The following GDI2 variants were observed in gnomAD, a reference collection of about 807,000 sequenced individuals.
The protein encoded by GDI2 is GDP dissociation inhibitor 2, also known as rab GDP dissociation inhibitor beta.
A neutral mutation model predicts 54.2 loss-of-function variants in GDI2; 22 were observed. That is an observed-to-expected ratio of 0.41 (90% confidence interval 0.29 to 0.58). The LOEUF (loss-of-function observed/expected upper bound fraction) is 0.58, where lower values mean the gene tolerates loss of function less well. GDI2 is among the 20% of genes least tolerant of loss of function. GDI2 has a pLI of 0.35. For synonymous variants in GDI2, 177 were observed against 182.1 expected, an observed-to-expected ratio of 0.97 and a Z score of 0.23; for missense variants, 422 against 546.0, an observed-to-expected ratio of 0.77 and a Z score of 2.26.
intron 1 of GDI2, among the ~76,000 whole-genome samples, chr10:5,809,254 C>CAAAAAAAAAAAAACA (rs1039669236): frequency 7.0e-6 from 1 of 141,984 alleles, no homozygotes; most frequent in East Asian, 2.0e-4. Flanking sequence ...CAAAAAAAAA[C>CAAAAAAAAAAAAACA]AAAAAAAAAA....
intron 1 of GDI2, among the ~76,000 whole-genome samples, chr10:5,808,696 T>C (rs1455231244): frequency 8.2e-5 from 9 of 110,410 alleles, no homozygotes; most frequent in South Asian, 5.6e-4. Flanking sequence ...ATTGTTGTTA[T>C]TAAAAAAAAA....
chr10:5,788,605 G>GA (rs914655157), intron 4 of GDI2, among the ~76,000 whole-genome samples: 9 of 151,742 alleles, frequency 5.9e-5, no homozygotes, highest in Admixed American at 1.3e-4. Flanking sequence ...AAAAAATTGT[G>GA]AAAAAAAATC....
intron 7 of GDI2, among the ~76,000 whole-genome samples, chr10:5,770,482 A>C (rs1353513458): frequency 1.3e-5 from 2 of 152,172 alleles, no homozygotes; most frequent in Non-Finnish European, 2.9e-5. Flanking sequence ...GAATCACTTG[A>C]ATACGGGAGG....
chr10:5,800,840 G>T, intron 1 of GDI2, 135 bp from the exon 2 acceptor site: 3 of 622,282 alleles, frequency 4.8e-6, no homozygotes, highest in Non-Finnish European at 8.7e-6. Context: ...AATTTATGAA[G>T]AAAGCCCTTA....
intron 1 of GDI2, among the ~76,000 whole-genome samples, chr10:5,809,271 A>G (rs1482855641): frequency 6.6e-6 from 1 of 152,014 alleles, no homozygotes; most frequent in East Asian, 1.9e-4. Context: ...AAAAACTGTC[A>G]AAAGATACCT....
intron 6 of GDI2, among the ~76,000 whole-genome samples, chr10:5,778,123 C>A (rs1307088427): frequency 6.6e-6 from 1 of 151,998 alleles, no homozygotes; most frequent in Non-Finnish European, 1.5e-5. Flanking sequence ...CATCACACAC[C>A]GGGGCCTGTC....
intron 1 of GDI2, among the ~76,000 whole-genome samples, chr10:5,801,603 G>C (rs1361161926): frequency 6.6e-6 from 1 of 152,132 alleles, no homozygotes; most frequent in Non-Finnish European, 1.5e-5. Context: ...TTGAACCTGG[G>C]AGGCAGAGGT....
In GDI2 at chr10:5,785,900, T is replaced by C; in HGVS notation, c.539A>G (p.Asp180Gly). 1 of 1,612,268 alleles carries C rather than the reference T, an allele frequency of 6.2e-7. No individual in the cohort carries two copies. The highest frequency in any genetic ancestry group is 1.3e-5 in the African/African-American group (1 of 75,024). Residue 180 changes from aspartate to glycine, a missense_variant, in exon 5 of 11, where the codon GAC becomes GGC. By Grantham distance (94) the Asp-to-Gly change is moderately conservative. Transcript: ENST00000380191. ...DVYKKFDLGQ[D>G]VIDFTGHALA... ...AGCATGACCAGTAAAATCTATAACG[T>C]CTTGACCCAAATCAAATTTCTTATA...
At chr10:5,801,529 A>G (rs929222973) in intron 1 of GDI2, among the ~76,000 whole-genome samples, 1 of 152,028 alleles carries the variant, frequency 6.6e-6, no homozygotes, top group African/African-American at 2.4e-5. Context: ...ATACAAAATT[A>G]GCCGGGCATG....
chr10:5,765,851 A>G lies in GDI2; in HGVS notation c.*155T>C, dbSNP rs138453901. On this transcript the variant is annotated 3_prime_UTR_variant, in exon 11 of 11. Transcript: ENST00000380191. ...ATAGCCACTCCATGAAAACAAGTTA[A>G]TAATTAGAAAGGTGAAGGGGAGTAT... 1.8e-6 allele frequency: 1 copy of G among 566,352 alleles called. No individual in the cohort carries two copies. The highest frequency in any genetic ancestry group is 3.1e-5 in the East Asian group (1 of 31,922). The allele number at this position is 566,352 out of a possible 1,614,324, so 35.1% of individuals were successfully genotyped here.
chr10:5,788,949 T>G (rs1840943339), intron 4 of GDI2, among the ~76,000 whole-genome samples: 1 of 152,042 alleles, frequency 6.6e-6, no homozygotes, highest in South Asian at 2.1e-4. Context: ...GTATTTTTAG[T>G]AGAGATGGGG....
chr10:5,772,225 G>A (rs892208944), intron 7 of GDI2, among the ~76,000 whole-genome samples: 1 of 152,196 alleles, frequency 6.6e-6, no homozygotes, highest in African/African-American at 2.4e-5. Flanking sequence ...ACCCCACAAA[G>A]GTGGCTGAGT....
In GDI2 at chr10:5,775,529, G is replaced by A. The variant is rs533264760; in HGVS notation, c.720-1588C>T. 2.6e-5 allele frequency among the ~76,000 whole-genome samples: 4 copies of A among 152,268 alleles called. No individual in the cohort carries two copies. The South Asian group carries it at 8.3e-4, about 32-fold the overall frequency. Reference sequence around the variant, plus strand: ...TGTGACAGAATTTGGGGCGGCCAGAGGAGATGAAAATTGTAGGGGAAAGTT... The same window carrying A: ...TGTGACAGAATTTGGGGCGGCCAGAAGAGATGAAAATTGTAGGGGAAAGTT... On this transcript the variant is annotated intron_variant, in intron 6 of 10. Coordinates refer to ENST00000380191, the MANE Select transcript of GDI2 (RefSeq NM_001494.4).
Position 5,768,071 on chromosome 10 carries a change from A to G in GDI2, c.991+142T>C. ...GACACAATGCTGCCGGAGCAGGAGG[A>G]GGTACAAAGATTTTTTTCCCCCATA... On this transcript the variant is annotated intron_variant, in intron 8 of 10. Coordinates refer to ENST00000380191, the MANE Select transcript of GDI2 (RefSeq NM_001494.4). This position sits in a 1 kb window ranked among gnomAD's most constrained non-coding sequence, Gnocchi z 4.4. The G allele has an allele frequency of 4.8e-6, 3 of 625,858 alleles. No individual in the cohort carries two copies. Among genetic ancestry groups the G allele is most frequent in the South Asian group, 3.9e-5 (2 of 51,002 alleles). The allele number at this position is 625,858 out of a possible 1,614,324, so 38.8% of individuals were successfully genotyped here. A position where few individuals can be genotyped will look rare whatever the true frequency, so the allele number is the denominator to read the frequency against.
intron 6 of GDI2, among the ~76,000 whole-genome samples, chr10:5,777,463 G>C (rs771486096): frequency 3.3e-5 from 5 of 152,114 alleles, no homozygotes; most frequent in Non-Finnish European, 5.9e-5. Context: ...GACAGAGTGA[G>C]ACTCCATCTC....
intron 4 of GDI2, among the ~76,000 whole-genome samples, chr10:5,789,069 G>T (rs1840947504): frequency 6.6e-6 from 1 of 151,254 alleles, no homozygotes; most frequent in Admixed American, 6.6e-5. Context: ...GCCCAGCCAG[G>T]TTTGTTTTTT....
intron 7 of GDI2, among the ~76,000 whole-genome samples, chr10:5,770,963 CAAAAAAAA>C (rs59686031): frequency 4.3e-5 from 2 of 46,394 alleles, no homozygotes; most frequent in East Asian, 8.5e-4. Flanking sequence ...GAGACTGTCT[CAAAAAAAA>C]AAAAAAAAAA....
chr10:5,773,093 T>C (rs1478076568), intron 7 of GDI2, among the ~76,000 whole-genome samples: 1 of 152,156 alleles, frequency 6.6e-6, no homozygotes, highest in African/African-American at 2.4e-5. Context: ...CATTGTCCCC[T>C]TACACCACCT....
chr10:5,768,025 C>T lies in GDI2; in HGVS notation c.991+188G>A, dbSNP rs564269940. ...ATGGACACAAGTCCAAGGCTGGCTCCGAGTTGAATCTGTCCGCGTTGACAC... is the reference window on the plus strand; with the variant it reads ...ATGGACACAAGTCCAAGGCTGGCTCTGAGTTGAATCTGTCCGCGTTGACAC... On this transcript the variant is annotated intron_variant, in intron 8 of 10. Coordinates refer to ENST00000380191, the MANE Select transcript of GDI2 (RefSeq NM_001494.4). The surrounding 1 kb of genome is among the most constrained non-coding windows in gnomAD (Gnocchi z 4.4). 9.2e-5 allele frequency among the ~76,000 whole-genome samples: 14 copies of T among 152,166 alleles called. No individual in the cohort carries two copies. The highest frequency in any genetic ancestry group is 3.4e-4 in the African/African-American group (14 of 41,430).
Sources: gnomAD v4.1 joint callset for allele counts (sites outside exome capture counted in the v4.1 genomes callset) on GRCh38, gnomAD v4.1.1 for gene constraint, Gnocchi (gnomAD v3.1) non-coding constraint, MANE v1.5 for transcripts, NCBI Gene and HGNC (gene_info 2026-07-23, HGNC 2026-07-21) for gene names.